Variants in WIPF2 observed in about 807,000 individuals in gnomAD.
WIPF2 encodes the protein WAS/WASL interacting protein family member 2.
WIPF2 carries 23 observed loss-of-function variants against 38.8 expected under a neutral mutation model. That is an observed-to-expected ratio of 0.59 (90% CI 0.43 to 0.84). WIPF2 has a LOEUF of 0.84. Among genes scored for constraint, WIPF2 ranks in the 40% least tolerant of loss-of-function variants. WIPF2 has a pLI of 0.00. For synonymous variants in WIPF2, 210 were observed against 223.2 expected, an observed-to-expected ratio of 0.94 and a Z score of 0.53; for missense variants, 574 against 580.5, an observed-to-expected ratio of 0.99 and a Z score of 0.11.
chr17:40,256,288 G>A, intron 1 of WIPF2, 103 bp from the exon 2 acceptor site: 1 of 847,288 alleles, frequency 1.2e-6, no homozygotes, highest in Non-Finnish European at 1.8e-6. Flanking sequence ...TAAAAGATAA[G>A]GTGTTCAGTC....
At chr17:40,247,036 G>A (rs1421039634) in intron 1 of WIPF2, among the ~76,000 whole-genome samples, 1 of 151,636 alleles carries the variant, frequency 6.6e-6, no homozygotes, top group Non-Finnish European at 1.5e-5. Context: ...GCATGAACCT[G>A]GGAGGTGGAG....
At chr17:40,244,891 C>T (rs1259722963) in intron 1 of WIPF2, among the ~76,000 whole-genome samples, 2 of 152,128 alleles carry the variant, frequency 1.3e-5, no homozygotes, top group African/African-American at 2.4e-5. Context: ...AGATACTCTC[C>T]CCCAATGGCC....
chr17:40,252,782 A>C (rs2031599213), intron 1 of WIPF2, among the ~76,000 whole-genome samples: 1 of 148,246 alleles, frequency 6.7e-6, no homozygotes, highest in Admixed American at 6.7e-5. Flanking sequence ...TTTTTTTTTG[A>C]GATGGAGTTT....
At position 40,275,095 on chromosome 17, in the gene WIPF2, A is replaced by C. The variant is rs377514260; in HGVS notation, c.1180+1096A>C. On this transcript the variant is annotated intron_variant, in intron 6 of 7. Coordinates refer to ENST00000323571, the MANE Select transcript of WIPF2 (RefSeq NM_133264.5). ...TCTCTACTAAAAATATAAAAAATTA[A>C]CTGGGCATGATGGCACGCAGCCATA... is the stretch of plus-strand genomic sequence containing the variant. Among the ~76,000 whole-genome samples the C allele has an allele frequency of 1.8e-4, 28 of 151,828 alleles. No homozygotes were observed. The South Asian group carries it at 5.8e-3, about 32-fold the overall frequency.
At chr17:40,259,655 G>A (rs1249846770) in intron 2 of WIPF2, among the ~76,000 whole-genome samples, 1 of 152,054 alleles carries the variant, frequency 6.6e-6, no homozygotes, top group African/African-American at 2.4e-5. Context: ...GAGACAGTAG[G>A]GTATGTTAGT....
In WIPF2 at chr17:40,283,918, G is replaced by A. The variant is rs1196828534; in HGVS notation, c.*5693G>A. The A allele has an allele frequency of 6.6e-6, 1 of 152,106 alleles. No individual in the cohort carries two copies. Among genetic ancestry groups the A allele is most frequent in the African/African-American group, 2.4e-5 (1 of 41,390 alleles). 9.4% of individuals were successfully genotyped at this position (152,106 alleles called of 1,614,324 possible). On this transcript the variant is annotated 3_prime_UTR_variant, in exon 8 of 8. Coordinates refer to ENST00000323571, the MANE Select transcript of WIPF2 (RefSeq NM_133264.5). ...ACTTGCACTTTCATCACTAGCAAAG[G>A]TCTTGAAGTTATTTCTCTTACTGAT...
intron 5 of WIPF2, among the ~76,000 whole-genome samples, chr17:40,272,486 A>T (rs879567837): frequency 1.3e-4 from 20 of 152,156 alleles, no homozygotes; most frequent in Non-Finnish European, 2.2e-4. Context: ...GACATATGTA[A>T]CTTCCCACAA....
intron 3 of WIPF2, 152 bp downstream of exon 3, chr17:40,260,819 A>C (rs1434326376): frequency 1.9e-6 from 2 of 1,076,726 alleles, no homozygotes; most frequent in South Asian, 2.7e-5. Context: ...TCTGAACCTT[A>C]GAAGTTTCTT....
chr17:40,239,729 C>A (rs963816496), intron 1 of WIPF2, among the ~76,000 whole-genome samples: 1 of 131,854 alleles, frequency 7.6e-6, no homozygotes, highest in African/African-American at 2.8e-5. Flanking sequence ...GAGTCTCACT[C>A]TGTCATCTCT....
At chr17:40,263,054 G>C (rs1020796754) in intron 4 of WIPF2, among the ~76,000 whole-genome samples, 2 of 152,164 alleles carry the variant, frequency 1.3e-5, no homozygotes, top group Non-Finnish European at 2.9e-5. Context: ...GAGGCTGGGG[G>C]CAGTAGGCGT....
At chr17:40,272,153 G>A (rs1258474055) in intron 5 of WIPF2, among the ~76,000 whole-genome samples, 1 of 151,862 alleles carries the variant, frequency 6.6e-6, no homozygotes, top group Non-Finnish European at 1.5e-5. Flanking sequence ...CCGAGTAGCT[G>A]GGATTACAGG....
intron 5 of WIPF2, among the ~76,000 whole-genome samples, chr17:40,267,952 G>A (rs1430019539): frequency 1.3e-5 from 2 of 152,150 alleles, no homozygotes; most frequent in Non-Finnish European, 2.9e-5. Context: ...AGACCAGCCT[G>A]GGCAACATGG....
At chr17:40,250,416 T>G (rs1300571301) in intron 1 of WIPF2, among the ~76,000 whole-genome samples, 1 of 139,552 alleles carries the variant, frequency 7.2e-6, no homozygotes, top group Non-Finnish European at 1.6e-5. Flanking sequence ...ATTTTTGTAT[T>G]TTTTTTTTTT....
Position 40,260,684 on chromosome 17 carries a change from T to C in WIPF2, c.196+17T>C. 1 of 1,613,546 alleles carries C rather than the reference T, an allele frequency of 6.2e-7. No individual in the cohort carries two copies. The highest frequency in any genetic ancestry group is 2.2e-5 in the East Asian group (1 of 44,814). ...TCCTCGAGAGTGAGTCCGAGCTTCATTTCCTAGTGAACTGGCAGGATCCCA... is the reference window on the plus strand; with the variant it reads ...TCCTCGAGAGTGAGTCCGAGCTTCACTTCCTAGTGAACTGGCAGGATCCCA... On this transcript the variant is annotated intron_variant, in intron 3 of 7. Transcript: ENST00000323571.
chr17:40,278,131 C>T (rs1260167481), intron 7 of WIPF2, 54 bp from the exon 8 acceptor site: 13 of 1,582,082 alleles, frequency 8.2e-6, no homozygotes, highest in Non-Finnish European at 1.1e-5. Flanking sequence ...GTGGGTTGTT[C>T]AGATTCTGGT....
At chr17:40,224,866 C>G (rs548606455) in intron 1 of WIPF2, among the ~76,000 whole-genome samples, 67 of 152,096 alleles carry the variant, frequency 4.4e-4, no homozygotes, top group Non-Finnish European at 6.3e-4. Flanking sequence ...ACATGCATCC[C>G]TTTGCCAAAT....
intron 1 of WIPF2, among the ~76,000 whole-genome samples, chr17:40,226,908 A>G (rs1380912751): frequency 6.6e-6 from 1 of 151,704 alleles, no homozygotes; most frequent in Non-Finnish European, 1.5e-5. Context: ...TGCCCAACTA[A>G]TTTTTGTATT....
In WIPF2 at chr17:40,274,072, A is replaced by G. The variant is rs538115881; in HGVS notation, c.1180+73A>G. The stretch of plus-strand genomic sequence containing the variant: ...CCCACTCCAGTGCCATGGCTGCTAG[A>G]TGGCCACCATAGAGTGGGAATGGCC... On this transcript the variant is annotated intron_variant, in intron 6 of 7. Coordinates refer to ENST00000323571, the MANE Select transcript of WIPF2 (RefSeq NM_133264.5). The G allele has an allele frequency of 9.4e-4, 1,211 of 1,284,480 alleles. 2 individuals carry two copies. Among genetic ancestry groups the G allele is most frequent in the Middle Eastern group, 4.9e-3 (25 of 5,152 alleles). 79.6% of individuals were successfully genotyped at this position (1,284,480 alleles called of 1,614,324 possible). A position where few individuals can be genotyped will look rare whatever the true frequency, so the allele number is the denominator to read the frequency against.
In WIPF2 at chr17:40,275,240, CAAAAAAAAAA is replaced by C. The variant is rs58914738; in HGVS notation, c.1180+1253_1180+1262del. ...TGGGTGACAGAGCAAGACTCCGTCTCAAAAAAAAAAAAAAAAAAAAACAAAACCCAAAACA... is the reference window on the plus strand; with the variant it reads ...TGGGTGACAGAGCAAGACTCCGTCTCAAAAAAAAAAACAAAACCCAAAACA... On this transcript the variant is annotated intron_variant, in intron 6 of 7. Transcript: ENST00000323571. Among the ~76,000 whole-genome samples the C allele has an allele frequency of 2.3e-4, 14 of 60,174 alleles. No homozygotes were observed. In the South Asian group the frequency reaches 6.8e-3, roughly 29 times the overall value. 39.5% of individuals were successfully genotyped at this position (60,174 alleles called of 152,430 possible).
Sources: allele counts gnomAD v4.1 joint callset (sites outside exome capture counted in the v4.1 genomes callset), GRCh38; gene constraint gnomAD v4.1.1; transcripts MANE v1.5; gene names NCBI Gene and HGNC (gene_info 2026-07-23, HGNC 2026-07-21).